Variants in NPAS3 observed in about 807,000 individuals in gnomAD.
NPAS3 encodes neuronal PAS domain protein 3.
In NPAS3, 14 loss-of-function variants were observed where a neutral mutation model predicts 73.1. That is an observed-to-expected ratio of 0.19 (90% CI 0.13 to 0.30). NPAS3 has a LOEUF of 0.30. NPAS3 is among the 10% of genes least tolerant of loss of function. NPAS3 has a pLI of 1.00. For synonymous variants in NPAS3, 620 were observed against 541.5 expected (o/e 1.14, Z -2.01); for missense variants, 1,096 against 1,250.0 (o/e 0.88, Z 1.86).
At chr14:33,085,610 C>G (rs191284600) in intron 2 of NPAS3, among the ~76,000 whole-genome samples, 2 of 152,102 alleles carry the variant, frequency 1.3e-5, no homozygotes, top group Admixed American at 6.6e-5. Context: ...CAAGCTGAGC[C>G]CCCCCAACAC....
intron 4 of NPAS3, among the ~76,000 whole-genome samples, chr14:33,388,878 A>G (rs2046884558): frequency 6.6e-6 from 1 of 152,136 alleles, no homozygotes; most frequent in Admixed American, 6.5e-5. Flanking sequence ...AAGTAATATA[A>G]TCCACGTAAA....
Position 33,124,944 on chromosome 14 carries a change from C to T in NPAS3, c.140+68950C>T, listed in dbSNP as rs116220793. Among the ~76,000 whole-genome samples, 595 of 152,166 alleles carry T rather than the reference C, an allele frequency of 3.9e-3. 2 individuals are homozygous for T. Among genetic ancestry groups the T allele is most frequent in the African/African-American group, 0.014 (572 of 41,536 alleles). ...GATGCCTTAGGAAGCTATTAGGAGG[C>T]ATTCAAAGTACATTTGGAATAGATG... On this transcript the variant is annotated intron_variant, in intron 2 of 11. Transcript: ENST00000356141.
intron 4 of NPAS3, among the ~76,000 whole-genome samples, chr14:33,375,806 A>G (rs1382159707): frequency 6.6e-6 from 1 of 152,170 alleles, no homozygotes; most frequent in African/African-American, 2.4e-5. Context: ...TATATGAATG[A>G]ATCGTAAGTT....
intron 1 of NPAS3, among the ~76,000 whole-genome samples, chr14:32,984,611 T>C (rs1296874): frequency 0.14 from 20,812 of 152,258 alleles, 1,446 homozygotes; most frequent in East Asian, 0.17. Flanking sequence ...CAAAATTCTT[T>C]CCAACAACAT....
chr14:33,783,891 C>A (rs1191366378), intron 9 of NPAS3, among the ~76,000 whole-genome samples: 2 of 152,156 alleles, frequency 1.3e-5, no homozygotes, highest in African/African-American at 4.8e-5. Flanking sequence ...TTAGACGGCA[C>A]TATTTTACAC....
At chr14:33,583,709 A>G (rs2056764176) in intron 5 of NPAS3, among the ~76,000 whole-genome samples, 4 of 152,248 alleles carry the variant, frequency 2.6e-5, no homozygotes, top group Admixed American at 1.3e-4. Context: ...TAAAGAGACT[A>G]TAGACATATG....
At chr14:33,467,424 C>A (rs1474210836) in intron 4 of NPAS3, among the ~76,000 whole-genome samples, 3 of 152,148 alleles carry the variant, frequency 2.0e-5, no homozygotes, top group Non-Finnish European at 2.9e-5. Context: ...TGCTGATAGT[C>A]ATTTACAGGT....
chr14:32,950,463 A>G (rs1254503041), intron 1 of NPAS3, among the ~76,000 whole-genome samples: 1 of 152,098 alleles, frequency 6.6e-6, no homozygotes, highest in Non-Finnish European at 1.5e-5. Context: ...CATAGGGTTT[A>G]ATTTCATACA....
chr14:33,271,079 G>A lies in NPAS3; in HGVS notation c.385+55653G>A, dbSNP rs367930036. ...CAAAATACAGAGAAACCGTCTGTTTGTGTGCTTAGGTTCAACAAAGAAGTA... is the reference window on the plus strand; with the variant it reads ...CAAAATACAGAGAAACCGTCTGTTTATGTGCTTAGGTTCAACAAAGAAGTA... On this transcript the variant is annotated intron_variant, in intron 3 of 11. Transcript: ENST00000356141. Among the ~76,000 whole-genome samples, 14 of 152,298 alleles carry A rather than the reference G, an allele frequency of 9.2e-5. 1 individual carries two copies. The highest frequency in any genetic ancestry group is 6.5e-4 in the Admixed American group (10 of 15,286).
At chr14:33,030,645 C>T (rs1161350743) in intron 1 of NPAS3, among the ~76,000 whole-genome samples, 1 of 152,000 alleles carries the variant, frequency 6.6e-6, no homozygotes, top group Non-Finnish European at 1.5e-5. Context: ...TCACTCTGGA[C>T]AACAAGATAC....
At chr14:33,662,578 T>C (rs1046649964) in intron 5 of NPAS3, among the ~76,000 whole-genome samples, 9 of 152,230 alleles carry the variant, frequency 5.9e-5, no homozygotes, top group Non-Finnish European at 1.2e-4. Context: ...TTCCTATCCA[T>C]GAGCATGGAA....
At chr14:33,242,363 A>G (rs2048239082) in intron 3 of NPAS3, among the ~76,000 whole-genome samples, 1 of 152,052 alleles carries the variant, frequency 6.6e-6, no homozygotes, top group Non-Finnish European at 1.5e-5. Context: ...TTTTTGTATG[A>G]CCACCTGTCC....
At chr14:33,601,182 T>C (rs1197067883) in intron 5 of NPAS3, among the ~76,000 whole-genome samples, 1 of 152,202 alleles carries the variant, frequency 6.6e-6, no homozygotes, top group Non-Finnish European at 1.5e-5. Flanking sequence ...CAGTTGATAA[T>C]ATGGTCCTGA....
intron 1 of NPAS3, among the ~76,000 whole-genome samples, chr14:33,037,630 C>A (rs1450190875): frequency 1.3e-5 from 2 of 152,096 alleles, no homozygotes; most frequent in Non-Finnish European, 2.9e-5. Flanking sequence ...CTTGCCACTG[C>A]ACTCTAGTCT....
chr14:33,317,589 A>G (rs967528383), intron 3 of NPAS3, among the ~76,000 whole-genome samples: 2 of 151,976 alleles, frequency 1.3e-5, no homozygotes, highest in African/African-American at 4.8e-5. Flanking sequence ...TGTTCTCGTG[A>G]TAGTGAGTTC....
intron 4 of NPAS3, among the ~76,000 whole-genome samples, chr14:33,508,217 T>C (rs545310204): frequency 6.6e-6 from 1 of 152,170 alleles, no homozygotes; most frequent in Admixed American, 6.5e-5. Flanking sequence ...AGCAGTTTGC[T>C]TGGGCAAAGG....
At chr14:33,573,551 A>G (rs1567018889) in intron 5 of NPAS3, among the ~76,000 whole-genome samples, 2 of 152,208 alleles carry the variant, frequency 1.3e-5, no homozygotes, top group Non-Finnish European at 2.9e-5. Context: ...CAGGGTTTGA[A>G]AGGCATTTTC....
At chr14:33,580,728 C>T (rs557499115) in intron 5 of NPAS3, among the ~76,000 whole-genome samples, 1 of 152,254 alleles carries the variant, frequency 6.6e-6, no homozygotes, top group East Asian at 1.9e-4. Context: ...GTGGGAAGCT[C>T]CAACTTCGAC....
intron 7 of NPAS3, among the ~76,000 whole-genome samples, chr14:33,748,116 A>G (rs1595545821): frequency 6.6e-6 from 1 of 152,330 alleles, no homozygotes; most frequent in Non-Finnish European, 1.5e-5. Flanking sequence ...TAAAAAATGA[A>G]TTAATTTATA....
Sources: allele counts gnomAD v4.1 joint callset (sites outside exome capture counted in the v4.1 genomes callset), GRCh38; gene constraint gnomAD v4.1.1; transcripts MANE v1.5; gene names NCBI Gene and HGNC (gene_info 2026-07-23, HGNC 2026-07-21).